GRK7: variants seen among roughly 807,000 people sequenced by gnomAD.
GRK7 encodes G protein-coupled receptor kinase 7.
GRK7 carries 24 observed loss-of-function variants against 34.1 expected under a neutral mutation model. The observed-to-expected ratio is 0.70, with a 90% CI of 0.51 to 0.99. The LOEUF is 0.99. GRK7 is among the 50% of genes least tolerant of loss of function. The probability of loss-of-function intolerance (pLI) is 0.00; values close to 1 mark genes in which losing one functional copy is unlikely to be tolerated. For missense variants in GRK7, 644 were observed against 707.3 expected, an observed-to-expected ratio of 0.91 and a Z score of 1.02; for synonymous variants, 256 against 279.4, an observed-to-expected ratio of 0.92 and a Z score of 0.84.
At chr3:141,776,413 G>A (rs2084639470) in intron 2 of GRK7, among the ~76,000 whole-genome samples, 1 of 152,234 alleles carries the variant, frequency 6.6e-6, no homozygotes, top group Non-Finnish European at 1.5e-5. Context: ...CACGGGAAAA[G>A]GCATTTGCTC....
At chr3:141,767,631 C>T (rs544042406) in intron 1 of GRK7, among the ~76,000 whole-genome samples, 121 of 152,202 alleles carry the variant, frequency 7.9e-4, no homozygotes, top group South Asian at 2.3e-3. Context: ...AAACTCCTGA[C>T]CTCAGGCGAT....
the GRK7 span, among the ~76,000 whole-genome samples, chr3:141,754,610 C>T: frequency 2.0e-5 from 3 of 151,842 alleles, no homozygotes; most frequent in Non-Finnish European, 2.9e-5. Flanking sequence ...TGTCTTTAGT[C>T]TGTAGTTCAC....
chr3:141,810,640 C>A (rs1711084411), intron 5 of GRK7, among the ~76,000 whole-genome samples: 1 of 152,116 alleles, frequency 6.6e-6, no homozygotes, highest in South Asian at 2.1e-4. Flanking sequence ...CCTTGGCCTC[C>A]CGAGTAGCTG....
intron 5 of GRK7, among the ~76,000 whole-genome samples, chr3:141,810,223 G>C (rs1385633332): frequency 1.3e-5 from 2 of 150,954 alleles, no homozygotes; most frequent in African/African-American, 2.4e-5. Context: ...TGCAGACTTT[G>C]GATTTACAAA....
chr3:141,766,452 C>T (rs533938419), intron 1 of GRK7, among the ~76,000 whole-genome samples: 23 of 152,208 alleles, frequency 1.5e-4, no homozygotes, highest in African/African-American at 4.8e-4. Context: ...CGTGAGCCAA[C>T]GCACCTAGCC....
At chr3:141,766,119 C>T (rs2084579399) in intron 1 of GRK7, among the ~76,000 whole-genome samples, 1 of 150,652 alleles carries the variant, frequency 6.6e-6, no homozygotes, top group Non-Finnish European at 1.5e-5. Flanking sequence ...ACATAACTCC[C>T]TCTACCCCAC....
chr3:141,750,563 C>G, the GRK7 span, among the ~76,000 whole-genome samples: 1 of 152,148 alleles, frequency 6.6e-6, no homozygotes, highest in African/African-American at 2.4e-5. Context: ...CAGTGCTTGA[C>G]ACAGTAAGCA....
chr3:141,796,230 G>C (rs1710870509), intron 4 of GRK7, among the ~76,000 whole-genome samples: 1 of 152,142 alleles, frequency 6.6e-6, no homozygotes, highest in African/African-American at 2.4e-5. Flanking sequence ...CAAGACATTT[G>C]GAGTGCCTTC....
intron 2 of GRK7, among the ~76,000 whole-genome samples, chr3:141,775,277 G>A (rs977639334): frequency 3.3e-5 from 5 of 152,080 alleles, no homozygotes; most frequent in Non-Finnish European, 7.4e-5. Flanking sequence ...GCAGGTGCCT[G>A]TAGTCTCAGC....
Position 141,817,045 on chromosome 3 carries a change from T to C in GRK7, c.1657T>C (p.Leu553=). Residue 553 remains leucine, a synonymous_variant, in exon 6 of 6, where the codon TTG becomes CTG. Coordinates refer to ENST00000682958, the MANE Select transcript of GRK7 (RefSeq NM_139209.3). The part of the protein sequence containing the change: ...NSSKSGVCLL[L] ...ATCCAAGTCTGGCGTGTGTTTGTTA[T>C]TGTAAATTGCTCTCTTTACCAGACA... is the stretch of plus-strand genomic sequence containing the variant. The C allele has an allele frequency of 6.3e-7, 1 of 1,593,144 alleles. No homozygotes were observed. The highest frequency in any genetic ancestry group is 8.5e-7 in the Non-Finnish European group (1 of 1,172,942).
chr3:141,768,844 C>T (rs1389681130), intron 1 of GRK7, among the ~76,000 whole-genome samples: 1 of 152,136 alleles, frequency 6.6e-6, no homozygotes, highest in Non-Finnish European at 1.5e-5. Context: ...CAGTTGGCCA[C>T]TCTCTACTTG....
At chr3:141,797,839 T>G (rs1710910293) in intron 4 of GRK7, among the ~76,000 whole-genome samples, 1 of 152,050 alleles carries the variant, frequency 6.6e-6, no homozygotes, top group Non-Finnish European at 1.5e-5. Context: ...AGTTTTCAGA[T>G]TTAATGGGAG....
chr3:141,778,474 C>T lies in GRK7; in HGVS notation c.190C>T (p.Pro64Ser), dbSNP rs761814269. 1.9e-6 allele frequency: 3 copies of T among 1,613,162 alleles called. No individual in the cohort carries two copies. The highest frequency in any genetic ancestry group is 1.7e-6 in the Non-Finnish European group (2 of 1,179,948). The change falls in exon 3 of 6, where the codon CCC (proline) becomes TCC (serine). Residue 64 changes from proline (P) to serine (S), a missense_variant. Coordinates refer to ENST00000682958, the MANE Select transcript of GRK7 (RefSeq NM_139209.3). This position sits in a 1 kb window ranked among gnomAD's most constrained non-coding sequence, Gnocchi z 4.1. ...LNFHSLCEQQPIGRRLFRDFL... is the reference protein window; with the variant it reads ...LNFHSLCEQQSIGRRLFRDFL... ...CTTCCACAGCCTGTGTGAGCAGCAG[C>T]CCATCGGTCGCCGCCTCTTCCGTGA...
At chr3:141,772,747 A>G (rs542375967) in intron 1 of GRK7, among the ~76,000 whole-genome samples, 35 of 152,342 alleles carry the variant, frequency 2.3e-4, no homozygotes, top group South Asian at 6.2e-4. Context: ...AGGTTACAAA[A>G]TGGGTCCTAA....
At chr3:141,799,669 G>T (rs946133217) in intron 4 of GRK7, among the ~76,000 whole-genome samples, 2 of 151,940 alleles carry the variant, frequency 1.3e-5, no homozygotes, top group African/African-American at 2.4e-5. Context: ...TCTTAGGCAA[G>T]ATTTAACCTC....
At position 141,763,792 on chromosome 3, in the gene GRK7, C is replaced by A. The variant is rs142907345; in HGVS notation, c.-2161C>A. Among the ~76,000 whole-genome samples, 6 of 152,310 alleles carry A rather than the reference C, an allele frequency of 3.9e-5. No individual in the cohort carries two copies. In the East Asian group the frequency reaches 1.2e-3, roughly 29 times the overall value. ...TTCCCTTTTATTCCTGCAACTCCCACCCCTTCCTGACTTCTGAAACTTGTC... is the reference window on the plus strand; with the variant it reads ...TTCCCTTTTATTCCTGCAACTCCCAACCCTTCCTGACTTCTGAAACTTGTC... On this transcript the variant is annotated 5_prime_UTR_variant, in exon 1 of 6. Coordinates refer to ENST00000682958, the MANE Select transcript of GRK7 (RefSeq NM_139209.3).
At chr3:141,798,041 C>G (rs899490569) in intron 4 of GRK7, among the ~76,000 whole-genome samples, 12 of 152,188 alleles carry the variant, frequency 7.9e-5, no homozygotes, top group Admixed American at 4.6e-4. Flanking sequence ...CTGTCCAGGG[C>G]CAGCCTGGGC....
the GRK7 span, among the ~76,000 whole-genome samples, chr3:141,757,179 AG>A: frequency 1.1e-5 from 1 of 92,428 alleles, no homozygotes; most frequent in Non-Finnish European, 2.2e-5. Context: ...TTTAAGTTTT[AG>A]GGTACATGTG....
At chr3:141,810,804 G>C (rs1559848467) in intron 5 of GRK7, among the ~76,000 whole-genome samples, 1 of 152,106 alleles carries the variant, frequency 6.6e-6, no homozygotes, top group Non-Finnish European at 1.5e-5. Flanking sequence ...TACGGGTAAG[G>C]GTGCTGACTA....
Sources: gnomAD v4.1 joint callset for allele counts (sites outside exome capture counted in the v4.1 genomes callset) on GRCh38, gnomAD v4.1.1 for gene constraint, Gnocchi (gnomAD v3.1) non-coding constraint, MANE v1.5 for transcripts, NCBI Gene and HGNC (gene_info 2026-07-23, HGNC 2026-07-21) for gene names.